The following PRKRIP1 variants were observed in gnomAD, a reference collection of about 807,000 sequenced individuals.
PRKRIP1 encodes PRKR interacting protein 1.
In PRKRIP1, 29 loss-of-function variants were observed where a neutral mutation model predicts 29.3. The observed-to-expected ratio is 0.99, with a 90% CI of 0.74 to 1.35. PRKRIP1 has a LOEUF of 1.35. PRKRIP1 is among the 40% of genes most tolerant of loss of function. The pLI is 0.00. For missense variants in PRKRIP1, 247 were observed against 236.8 expected (o/e 1.04, Z -0.28); for synonymous variants, 90 against 85.1 (o/e 1.06, Z -0.32).
Position 102,425,329 on chromosome 7 carries a change from A to G in PRKRIP1, c.*218A>G, listed in dbSNP as rs782680721. Reference sequence around the variant, plus strand: ...TCAGAGGCACTGCCTTGCAGACACCATCCGTGCTCCTGGTAAAGGGGGACA... The same window carrying G: ...TCAGAGGCACTGCCTTGCAGACACCGTCCGTGCTCCTGGTAAAGGGGGACA... On this transcript the variant is annotated 3_prime_UTR_variant, in exon 6 of 6. Transcript: ENST00000397912. 130 of 854,250 alleles carry G rather than the reference A, an allele frequency of 1.5e-4. No individual in the cohort carries two copies. The highest frequency in any genetic ancestry group is 2.2e-4 in the Non-Finnish European group (127 of 565,488). The allele number at this position is 854,250 out of a possible 1,614,324, so 52.9% of individuals were successfully genotyped here.
intron 5 of PRKRIP1, among the ~76,000 whole-genome samples, chr7:102,414,845 C>T (rs1796487977): frequency 6.6e-6 from 1 of 151,904 alleles, no homozygotes; most frequent in Non-Finnish European, 1.5e-5. Flanking sequence ...GTGATTATGC[C>T]ACTGCACTCT....
In PRKRIP1 at chr7:102,426,613, A is replaced by C. The variant is rs1554574483; in HGVS notation, c.*1502A>C. On this transcript the variant is annotated 3_prime_UTR_variant, in exon 6 of 6. Coordinates refer to ENST00000397912, the MANE Select transcript of PRKRIP1 (RefSeq NM_024653.4). ...TCATGTCACAGGGATTTTCTTTCCC[A>C]GGAAGCGGACACGGAGAGTCAGCCC... 3 of 152,768 alleles carry C rather than the reference A, an allele frequency of 2.0e-5. No homozygotes were observed. Among genetic ancestry groups the C allele is most frequent in the Non-Finnish European group, 4.4e-5 (3 of 68,118 alleles). The allele number at this position is 152,768 out of a possible 1,614,324, so 9.5% of individuals were successfully genotyped here.
intron 4 of PRKRIP1, 64 bp from the exon 5 acceptor site, chr7:102,407,369 GT>G (rs1796260522): frequency 9.8e-7 from 1 of 1,017,316 alleles, no homozygotes; most frequent in Admixed American, 2.0e-5. Flanking sequence ...ATAAGGAGGT[GT>G]TTATTTTCTA....
chr7:102,419,894 TG>T lies in PRKRIP1; in HGVS notation c.458-5119del, dbSNP rs1554573574. Among the ~76,000 whole-genome samples the T allele has an allele frequency of 1.1e-3, 159 of 138,392 alleles. 1 individual carries two copies. Among genetic ancestry groups the T allele is most frequent in the African/African-American group, 3.9e-3 (146 of 37,046 alleles). The allele number at this position is 138,392 out of a possible 152,430, so 90.8% of individuals were successfully genotyped here. On this transcript the variant is annotated intron_variant, in intron 5 of 5. Transcript: ENST00000397912. ...GTGTGTGTGTGTGTGTGTGTGTGTG[TG>T]TTTTTGAGATGGAGTCTCTCTGTCG...
At chr7:102,398,682 T>A (rs1040947947) in intron 2 of PRKRIP1, among the ~76,000 whole-genome samples, 1 of 152,232 alleles carries the variant, frequency 6.6e-6, no homozygotes, top group Non-Finnish European at 1.5e-5. Context: ...TCTACAGGCT[T>A]ACCATGGAGA....
chr7:102,407,541 T>A, intron 5 of PRKRIP1, 43 bp downstream of exon 5: 1 of 1,460,936 alleles, frequency 6.8e-7, no homozygotes. Flanking sequence ...TCTTTCTTCT[T>A]GTTGGTCACA....
chr7:102,402,434 C>T (rs1276906215), intron 3 of PRKRIP1, among the ~76,000 whole-genome samples: 2 of 147,936 alleles, frequency 1.4e-5, no homozygotes, highest in Non-Finnish European at 3.0e-5. Flanking sequence ...CAGACGCTGT[C>T]TCAAAAAGAA....
rs547659741 is a variant in PRKRIP1 at position 102,417,778 on chromosome 7, C to T, written c.458-7236C>T. Among the ~76,000 whole-genome samples the T allele has an allele frequency of 5.3e-5, 8 of 151,928 alleles. No homozygotes were observed. In the East Asian group the frequency reaches 5.8e-4, roughly 11 times the overall value. Reference sequence around the variant, plus strand: ...GCCCACAGGCATGCACCACCATGCCCGGCTCAGTTTTAAAATTTTTTTGTA... The same window carrying T: ...GCCCACAGGCATGCACCACCATGCCTGGCTCAGTTTTAAAATTTTTTTGTA... On this transcript the variant is annotated intron_variant, in intron 5 of 5. Transcript: ENST00000397912.
intron 5 of PRKRIP1, among the ~76,000 whole-genome samples, chr7:102,417,621 T>C (rs970853748): frequency 7.8e-6 from 1 of 128,626 alleles, no homozygotes. Context: ...TGTGGGTACC[T>C]TTTTTTTTTT....
Position 102,407,419 on chromosome 7 carries a change from G to T in PRKRIP1, c.393-15G>T. 6.5e-7 allele frequency: 1 copy of T among 1,547,624 alleles called. No individual in the cohort carries two copies. Among genetic ancestry groups the T allele is most frequent in the Non-Finnish European group, 8.9e-7 (1 of 1,119,724 alleles). ...TGTAGTTAAGGAATCAATGTATATG[G>T]TTTTACATTTTTAGCCAGAAGTTAA... is the stretch of plus-strand genomic sequence containing the variant. On this transcript the variant is annotated splice_polypyrimidine_tract_variant and intron_variant, in intron 4 of 5. Transcript: ENST00000397912.
chr7:102,419,614 C>T (rs968886085), intron 5 of PRKRIP1, among the ~76,000 whole-genome samples: 1 of 152,144 alleles, frequency 6.6e-6, no homozygotes, highest in African/African-American at 2.4e-5. Flanking sequence ...TGTGGTTCTG[C>T]CTTCTCCACA....
At chr7:102,417,272 A>T (rs1315939579) in intron 5 of PRKRIP1, among the ~76,000 whole-genome samples, 1 of 151,762 alleles carries the variant, frequency 6.6e-6, no homozygotes, top group African/African-American at 2.4e-5. Context: ...TCTCCCCCAT[A>T]TGTTTACTCT....
intron 5 of PRKRIP1, among the ~76,000 whole-genome samples, chr7:102,424,650 T>C (rs1006929941): frequency 1.3e-5 from 2 of 152,074 alleles, no homozygotes; most frequent in Non-Finnish European, 2.9e-5. Flanking sequence ...GAGACTTCAG[T>C]GAGAGTGTTG....
chr7:102,419,573 C>T (rs1366064030), intron 5 of PRKRIP1, among the ~76,000 whole-genome samples: 3 of 152,164 alleles, frequency 2.0e-5, no homozygotes, highest in Non-Finnish European at 4.4e-5. Flanking sequence ...CTCCTCCCAA[C>T]CCCCAGCCCC....
chr7:102,420,829 G>A (rs781906815), intron 5 of PRKRIP1, among the ~76,000 whole-genome samples: 18 of 152,162 alleles, frequency 1.2e-4, no homozygotes, highest in Non-Finnish European at 2.4e-4. Context: ...GGTCACAGTC[G>A]AAACGCAGAT....
chr7:102,398,311 GTCTC>G (rs1795972431), intron 2 of PRKRIP1, among the ~76,000 whole-genome samples: 2 of 151,884 alleles, frequency 1.3e-5, no homozygotes, highest in African/African-American at 4.8e-5. Context: ...TGGAGACAGA[GTCTC>G]ACTCTGTCAC....
At chr7:102,410,770 A>G (rs1239222142) in intron 5 of PRKRIP1, among the ~76,000 whole-genome samples, 4 of 152,108 alleles carry the variant, frequency 2.6e-5, no homozygotes, top group Admixed American at 6.5e-5. Flanking sequence ...TTACTCTTCC[A>G]TTCATCCCTT....
intron 5 of PRKRIP1, among the ~76,000 whole-genome samples, chr7:102,411,894 C>T (rs769996556): frequency 1.7e-4 from 25 of 150,920 alleles, no homozygotes; most frequent in Admixed American, 4.0e-4. Flanking sequence ...ATTTGCATTT[C>T]CCTAATGATT....
In PRKRIP1 at chr7:102,399,537, T is replaced by A; in HGVS notation, c.206-11T>A. 6.2e-7 allele frequency: 1 copy of A among 1,611,192 alleles called. No homozygotes were observed. The highest frequency in any genetic ancestry group is 8.5e-7 in the Non-Finnish European group (1 of 1,177,364). ...AATTTCATCTAGAACTGTGGACTGTTCTGGCTACAGGTTCAAGTGCTGGGG... is the reference window on the plus strand; with the variant it reads ...AATTTCATCTAGAACTGTGGACTGTACTGGCTACAGGTTCAAGTGCTGGGG... On this transcript the variant is annotated splice_polypyrimidine_tract_variant and intron_variant, in intron 2 of 5. Coordinates refer to ENST00000397912, the MANE Select transcript of PRKRIP1 (RefSeq NM_024653.4).
Sources: allele counts gnomAD v4.1 joint callset (sites outside exome capture counted in the v4.1 genomes callset), GRCh38; gene constraint gnomAD v4.1.1; transcripts MANE v1.5; gene names NCBI Gene and HGNC (gene_info 2026-07-23, HGNC 2026-07-21).